IKBKE: variants seen among roughly 807,000 people sequenced by gnomAD.
IKBKE encodes inhibitor of nuclear factor kappa-B kinase subunit epsilon.
IKBKE carries 45 observed loss-of-function variants against 92.1 expected under a neutral mutation model. That is an observed-to-expected ratio of 0.49 (90% confidence interval 0.38 to 0.63). The LOEUF (loss-of-function observed/expected upper bound fraction) is 0.63, where lower values mean the gene tolerates loss of function less well. Among genes scored for constraint, IKBKE ranks in the 20% least tolerant of loss-of-function variants. The pLI, the probability that IKBKE is intolerant of heterozygous loss-of-function variation, is 0.00. For missense variants in IKBKE, 700 were observed against 932.8 expected (o/e 0.75, Z 3.25); for synonymous variants, 374 against 380.3 (o/e 0.98, Z 0.19).
At position 206,478,003 on chromosome 1, in the gene IKBKE, G is replaced by A. The variant is rs991139099; in HGVS notation, c.812+144G>A. On this transcript the variant is annotated intron_variant, in intron 8 of 21. Coordinates refer to ENST00000581977, the MANE Select transcript of IKBKE (RefSeq NM_014002.4). This position sits in a 1 kb window ranked among gnomAD's most constrained non-coding sequence, Gnocchi z 4.8. ...CACACCACTTTCCCATCTGGTTGCT[G>A]GAACGAGTTCTTCCAGCTCTTCCTC... is the stretch of plus-strand genomic sequence containing the variant. The A allele has an allele frequency of 6.9e-6, 6 of 872,542 alleles. No homozygotes were observed. The highest frequency in any genetic ancestry group is 2.9e-4 in the Middle Eastern group (1 of 3,476). The allele number at this position is 872,542 out of a possible 1,614,324, so 54.0% of individuals were successfully genotyped here. A position where few individuals can be genotyped will look rare whatever the true frequency, so the allele number is the denominator to read the frequency against.
chr1:206,477,876 TG>T lies in IKBKE; in HGVS notation c.812+23del, dbSNP rs1553385873. On this transcript the variant is annotated intron_variant, in intron 8 of 21. Coordinates refer to ENST00000581977, the MANE Select transcript of IKBKE (RefSeq NM_014002.4). ...GCTGTCACTGTGAGTGGGACCCTGC[TG>T]GGGGGTGATGCTGGAGTCTGAGCTG... 13 of 1,472,122 alleles carry T rather than the reference TG, an allele frequency of 8.8e-6. No individual in the cohort carries two copies. Among genetic ancestry groups the T allele is most frequent in the East Asian group, 4.9e-5 (2 of 40,536 alleles). 91.2% of individuals were successfully genotyped at this position (1,472,122 alleles called of 1,614,324 possible). A position where few individuals can be genotyped will look rare whatever the true frequency, so the allele number is the denominator to read the frequency against.
chr1:206,491,781 G>GGA, intron 18 of IKBKE, 32 bp downstream of exon 18: 4 of 1,541,588 alleles, frequency 2.6e-6, no homozygotes, highest in Non-Finnish European at 3.6e-6. Context: ...CTGGAGCCCA[G>GGA]GGCCTGGCCT....
intron 18 of IKBKE, chr1:206,492,572 C>G (rs782393419): frequency 2.1e-6 from 1 of 472,088 alleles, no homozygotes; most frequent in South Asian, 1.5e-5. Context: ...ACCTCCAACC[C>G]CTGATTTAAC....
chr1:206,496,394 G>A lies in IKBKE; in HGVS notation c.*249G>A. On this transcript the variant is annotated 3_prime_UTR_variant, in exon 22 of 22. Transcript: ENST00000581977. Reference sequence around the variant, plus strand: ...GAAAGAGTGTGGCAGCAACTGCCTGGCTGACCTTTCTATCTTCTCTAGGCT... The same window carrying A: ...GAAAGAGTGTGGCAGCAACTGCCTGACTGACCTTTCTATCTTCTCTAGGCT... 1.9e-6 allele frequency: 1 copy of A among 536,226 alleles called. No individual in the cohort carries two copies. Among genetic ancestry groups the A allele is most frequent in the Non-Finnish European group, 3.3e-6 (1 of 298,592 alleles). 33.2% of individuals were successfully genotyped at this position (536,226 alleles called of 1,614,324 possible).
intron 4 of IKBKE, 56 bp downstream of exon 4, chr1:206,474,527 G>A (rs1664951736): frequency 2.0e-6 from 3 of 1,502,916 alleles, no homozygotes; most frequent in Non-Finnish European, 1.8e-6. Context: ...ATGGTCTGGG[G>A]AGAATCAGGC....
At position 206,487,556 on chromosome 1, in the gene IKBKE, C is replaced by T. The variant is rs532565547; in HGVS notation, c.1617-358C>T. On this transcript the variant is annotated intron_variant, in intron 15 of 21. Coordinates refer to ENST00000581977, the MANE Select transcript of IKBKE (RefSeq NM_014002.4). The surrounding 1 kb of genome is among the most constrained non-coding windows in gnomAD (Gnocchi z 5.3). ...CACTGCCAGACACGCTCTTAGGTTT[C>T]AGGGGCCTAGGCTCCTTCCCAGGGC... Among the ~76,000 whole-genome samples, 14 of 152,264 alleles carry T rather than the reference C, an allele frequency of 9.2e-5. No homozygotes were observed. In the South Asian group the frequency reaches 2.9e-3, roughly 32 times the overall value.
In IKBKE at chr1:206,477,734, C is replaced by A. The variant is rs782090193; in HGVS notation, c.702-15C>A. The A allele has an allele frequency of 2.6e-5, 39 of 1,508,230 alleles. No individual in the cohort carries two copies. Among genetic ancestry groups the A allele is most frequent in the South Asian group, 1.8e-4 (15 of 82,990 alleles). 93.4% of individuals were successfully genotyped at this position (1,508,230 alleles called of 1,614,324 possible). A position where few individuals can be genotyped will look rare whatever the true frequency, so the allele number is the denominator to read the frequency against. ...ATAGCTGGGGATCCCGCTGACCTGG[C>A]CTTCCTCCCCGCAGGTACCGGATCA... On this transcript the variant is annotated splice_polypyrimidine_tract_variant and intron_variant, in intron 7 of 21. Transcript: ENST00000581977.
intron 13 of IKBKE, among the ~76,000 whole-genome samples, chr1:206,482,430 A>G (rs981984656): frequency 2.0e-5 from 3 of 152,210 alleles, no homozygotes; most frequent in African/African-American, 7.2e-5. Flanking sequence ...ATGGACAGGC[A>G]TGGTGGGGAA....
At chr1:206,495,303 C>T (rs1553391843) in intron 21 of IKBKE, among the ~76,000 whole-genome samples, 7 of 152,192 alleles carry the variant, frequency 4.6e-5, no homozygotes, top group Non-Finnish European at 7.3e-5. Flanking sequence ...CTTCAGTTCC[C>T]TCCCCTGTGA....
intron 20 of IKBKE, 109 bp from the exon 21 acceptor site, chr1:206,493,811 A>C (rs375146582): frequency 6.5e-6 from 5 of 772,270 alleles, no homozygotes; most frequent in Non-Finnish European, 1.1e-5. Flanking sequence ...AAAAAAGAAT[A>C]AAGAGGCTTC....
At chr1:206,480,423 C>T (rs369028185) in intron 12 of IKBKE, 24 bp from the exon 13 acceptor site, 7 of 1,597,376 alleles carry the variant, frequency 4.4e-6, no homozygotes, top group Non-Finnish European at 8.6e-7. Flanking sequence ...CAAGGCAGCT[C>T]TGACTCAGTC....
intron 17 of IKBKE, chr1:206,491,143 T>C: frequency 1.9e-6 from 1 of 516,358 alleles, no homozygotes; most frequent in African/African-American, 1.9e-5. Flanking sequence ...GATGCACCAC[T>C]TACCACTTCC....
chr1:206,494,869 G>A (rs915245374), intron 21 of IKBKE, among the ~76,000 whole-genome samples: 4 of 151,486 alleles, frequency 2.6e-5, no homozygotes, highest in African/African-American at 7.3e-5. Flanking sequence ...CTCCCAAAGT[G>A]CTGGGATTAC....
chr1:206,474,327 G>T lies in IKBKE; in HGVS notation c.88-4G>T, dbSNP rs782660402. 6.2e-7 allele frequency: 1 copy of T among 1,610,826 alleles called. No homozygotes were observed. Among genetic ancestry groups the T allele is most frequent in the African/African-American group, 1.3e-5 (1 of 74,896 alleles). ...GTCTCCCACTGCTCCCTCCCCAATG[G>T]CAGAAATCCGGAGAGCTGGTTGCTG... On this transcript the variant is annotated splice_region_variant and splice_polypyrimidine_tract_variant and intron_variant, in intron 3 of 21. Coordinates refer to ENST00000581977, the MANE Select transcript of IKBKE (RefSeq NM_014002.4).
At chr1:206,479,206 G>GC in intron 10 of IKBKE, 73 bp downstream of exon 10, 1 of 1,264,594 alleles carries the variant, frequency 7.9e-7, no homozygotes, top group East Asian at 2.4e-5. Flanking sequence ...TGCAATCCAG[G>GC]CCATTGGTTA....
intron 2 of IKBKE, among the ~76,000 whole-genome samples, chr1:206,471,642 G>A (rs782705026): frequency 1.3e-5 from 2 of 152,132 alleles, no homozygotes; most frequent in South Asian, 2.1e-4. Flanking sequence ...CAGCCTCAGC[G>A]GGGAAAACCA....
At chr1:206,493,760 G>T (rs1666076580) in intron 20 of IKBKE, among the ~76,000 whole-genome samples, 160 bp from the exon 21 acceptor site, 1 of 152,228 alleles carries the variant, frequency 6.6e-6, no homozygotes, top group Non-Finnish European at 1.5e-5. Flanking sequence ...CTGCACTCCA[G>T]CCTGGGCAAA....
At chr1:206,495,422 G>C (rs1558487484) in intron 21 of IKBKE, among the ~76,000 whole-genome samples, 2 of 152,164 alleles carry the variant, frequency 1.3e-5, no homozygotes, top group East Asian at 3.9e-4. Flanking sequence ...CTCACTAAAT[G>C]TTACTTCTTC....
chr1:206,476,423 C>T lies in IKBKE; in HGVS notation c.540+61C>T, dbSNP rs1665067013. 6.6e-7 allele frequency: 1 copy of T among 1,524,530 alleles called. No individual in the cohort carries two copies. The highest frequency in any genetic ancestry group is 8.9e-7 in the Non-Finnish European group (1 of 1,118,634). 94.4% of individuals were successfully genotyped at this position (1,524,530 alleles called of 1,614,324 possible). On this transcript the variant is annotated intron_variant, in intron 6 of 21. Coordinates refer to ENST00000581977, the MANE Select transcript of IKBKE (RefSeq NM_014002.4). The surrounding 1 kb of genome is among the most constrained non-coding windows in gnomAD (Gnocchi z 5.1). ...GAGGGCTCCCCTTGCCTTGTGAGCC[C>T]CCCAGAGCCCCCATGAGGGGGTGTG... is the stretch of plus-strand genomic sequence containing the variant.
Sources: allele counts gnomAD v4.1 joint callset (sites outside exome capture counted in the v4.1 genomes callset), GRCh38; gene constraint gnomAD v4.1.1; non-coding constraint Gnocchi (gnomAD v3.1); transcripts MANE v1.5; gene names NCBI Gene and HGNC (gene_info 2026-07-23, HGNC 2026-07-21).